The following PPP4R1 variants were observed in gnomAD, a reference collection of about 807,000 sequenced individuals.
PPP4R1 encodes serine/threonine-protein phosphatase 4 regulatory subunit 1.
PPP4R1 carries 42 observed loss-of-function variants against 111.2 expected under a neutral mutation model. That is an observed-to-expected ratio of 0.38 (90% confidence interval 0.29 to 0.49). PPP4R1 has a LOEUF of 0.49. Ranked by LOEUF, PPP4R1 falls within the 20% of genes least tolerant of loss-of-function variation. The pLI is 0.97. For synonymous variants in PPP4R1, 409 were observed against 405.5 expected, an observed-to-expected ratio of 1.01 and a Z score of -0.10; for missense variants, 1,012 against 1,161.6, an observed-to-expected ratio of 0.87 and a Z score of 1.87.
rs934698003 is a variant in PPP4R1 at position 9,570,508 on chromosome 18, A to G, written c.1222T>C (p.Cys408Arg). 1 of 1,614,220 alleles carries G rather than the reference A, an allele frequency of 6.2e-7. No individual in the cohort carries two copies. The change falls in exon 11 of 20, where the codon TGT (cysteine) becomes CGT (arginine). Residue 408 changes from cysteine (C) to arginine (R), a missense_variant. Transcript: ENST00000400556. ...ISVPLDSSLL[C>R]TLSSESHQEA... ...TGGTGAGATTCTGAGGACAAAGTAC[A>G]AAGTAAAGAGCTGTCCAGTGGAACA...
chr18:9,584,639 A>T (rs748668286), intron 7 of PPP4R1, 59 bp from the exon 8 acceptor site: 26 of 1,601,914 alleles, frequency 1.6e-5, no homozygotes, highest in Non-Finnish European at 2.1e-5. Flanking sequence ...CTTCTAAGAT[A>T]ATCTTTTAAA....
rs1353464116 is a variant in PPP4R1, at chr18:9,595,080, A to T, written c.126T>A (p.Asp42Glu). 1.9e-6 allele frequency: 3 copies of T among 1,613,868 alleles called. No individual in the cohort carries two copies. ...IPSALDFVSQDEMLTPLGRLD... is the reference protein window; with the variant it reads ...IPSALDFVSQEEMLTPLGRLD... ...ATCTCCCCAGGGGCGTCAACATTTC[A>T]TCTTGTGAGACAAAGTCCAGGGCTG... The change falls in exon 3 of 20, where the codon GAT becomes GAA. Residue 42 changes from aspartate to glutamate, a missense_variant. This residue lies in a region of PPP4R1 where 707 missense variants were observed against 742.1 expected (regional missense o/e 0.95). Transcript: ENST00000400556.
At chr18:9,585,993 C>T (rs193107294) in intron 6 of PPP4R1, among the ~76,000 whole-genome samples, 47 of 152,216 alleles carry the variant, frequency 3.1e-4, no homozygotes, top group South Asian at 1.5e-3. Flanking sequence ...CTAGAGATAA[C>T]GCCTACATCT....
chr18:9,595,053 C>G lies in PPP4R1; in HGVS notation c.153G>C (p.Leu51Phe). 2.5e-6 allele frequency: 4 copies of G among 1,613,982 alleles called. No homozygotes were observed. Among genetic ancestry groups the G allele is most frequent in the Non-Finnish European group, 3.4e-6 (4 of 1,179,970 alleles). The change falls in exon 3 of 20, where the codon TTG (leucine) becomes TTC (phenylalanine). Residue 51 changes from leucine to phenylalanine, a missense_variant. Coordinates refer to ENST00000400556, the MANE Select transcript of PPP4R1 (RefSeq NM_001042388.3). ...TGTTCTCACTTGCAGCATACTTGTC[C>G]AATCTCCCCAGGGGCGTCAACATTT... is the stretch of plus-strand genomic sequence containing the variant. ...QDEMLTPLGR[L>F]DKYAASENIF...
At chr18:9,553,989 C>T (rs1219022217) in intron 15 of PPP4R1, among the ~76,000 whole-genome samples, 1 of 152,226 alleles carries the variant, frequency 6.6e-6, no homozygotes, top group Non-Finnish European at 1.5e-5. Flanking sequence ...TTTGACCATA[C>T]ATCTTCAAGG....
In PPP4R1 at chr18:9,588,763, G is replaced by A. The variant is rs765217530; in HGVS notation, c.386C>T (p.Ser129Leu). ...AACCACAATAGGTAGTAAGAATTTTGAAAAAGCATATGGTATTGAAGGCCG... is the reference window on the plus strand; with the variant it reads ...AACCACAATAGGTAGTAAGAATTTTAAAAAAGCATATGGTATTGAAGGCCG... ...ENRPSIPYAF[S>L]KFLLPIVVRY... Residue 129 changes from serine to leucine, a missense_variant, in exon 5 of 20, where the codon TCA (serine) becomes TTA (leucine). Ser to Leu is a moderately radical substitution (Grantham distance 145). Around this residue, in one of 2 missense-constraint regions of PPP4R1, gnomAD observed 707 missense variants for 742.1 expected, o/e 0.95. Coordinates refer to ENST00000400556, the MANE Select transcript of PPP4R1 (RefSeq NM_001042388.3). The A allele has an allele frequency of 5.0e-6, 8 of 1,613,636 alleles. No homozygotes were observed. The Admixed American group carries it at 8.3e-5, about 17-fold the overall frequency.
chr18:9,586,702 A>G (rs1360219407), intron 6 of PPP4R1, among the ~76,000 whole-genome samples: 2 of 152,206 alleles, frequency 1.3e-5, no homozygotes, highest in African/African-American at 2.4e-5. Context: ...AAAAATATCA[A>G]CAAAGACGCA....
rs528003331 is a variant in PPP4R1 at position 9,555,872 on chromosome 18, C to T, written c.2190+1349G>A. ...AAATTTTAGGCCAGGCATGGTGGCTCACGCCTGTAATCCCAGCACTTTGGG... is the reference window on the plus strand; with the variant it reads ...AAATTTTAGGCCAGGCATGGTGGCTTACGCCTGTAATCCCAGCACTTTGGG... On this transcript the variant is annotated intron_variant, in intron 15 of 19. Transcript: ENST00000400556. Among the ~76,000 whole-genome samples the T allele has an allele frequency of 1.6e-3, 242 of 152,168 alleles. 2 individuals are homozygous for T. Among genetic ancestry groups the T allele is most frequent in the Admixed American group, 4.8e-3 (73 of 15,296 alleles).
intron 2 of PPP4R1, among the ~76,000 whole-genome samples, chr18:9,608,944 C>G (rs767166794): frequency 1.3e-5 from 2 of 152,100 alleles, no homozygotes; most frequent in African/African-American, 2.4e-5. Flanking sequence ...CAGGAACAAA[C>G]AAAAAGTATG....
At chr18:9,564,272 C>A (rs766038903) in intron 11 of PPP4R1, among the ~76,000 whole-genome samples, 21 of 152,162 alleles carry the variant, frequency 1.4e-4, no homozygotes, top group Non-Finnish European at 2.8e-4. Context: ...AAAAATATTG[C>A]TTAGCATTTA....
chr18:9,609,549 A>AT (rs749712797), intron 2 of PPP4R1, among the ~76,000 whole-genome samples: 118 of 152,378 alleles, frequency 7.7e-4, no homozygotes, highest in Non-Finnish European at 1.6e-3. Flanking sequence ...AGCATAATGT[A>AT]AAAGGATTCC....
chr18:9,574,870 G>A (rs1404747448), intron 10 of PPP4R1, among the ~76,000 whole-genome samples: 4 of 152,150 alleles, frequency 2.6e-5, no homozygotes, highest in Non-Finnish European at 5.9e-5. Flanking sequence ...ACAAAAACAG[G>A]GAGAATTAAG....
rs758344611 is a variant in PPP4R1 at position 9,577,028 on chromosome 18, A to G, written c.1046+36T>C. 4.1e-6 allele frequency: 6 copies of G among 1,456,080 alleles called. No homozygotes were observed. The East Asian group carries it at 1.4e-4, about 34-fold the overall frequency. The allele number at this position is 1,456,080 out of a possible 1,614,324, so 90.2% of individuals were successfully genotyped here. ...TTAAAAGCAGTAAAATTAGAAAACA[A>G]GGTTTTAAAATTAGAAAATGGTTTC... On this transcript the variant is annotated intron_variant, in intron 10 of 19. Coordinates refer to ENST00000400556, the MANE Select transcript of PPP4R1 (RefSeq NM_001042388.3).
intron 13 of PPP4R1, among the ~76,000 whole-genome samples, chr18:9,561,231 T>C (rs1255970133): frequency 7.3e-6 from 1 of 136,764 alleles, no homozygotes; most frequent in Non-Finnish European, 1.5e-5. Flanking sequence ...ATAATAATAA[T>C]AATAATAATA....
Position 9,614,538 on chromosome 18 carries a change from C to T in PPP4R1, c.-54G>A. 1.0e-6 allele frequency: 1 copy of T among 1,000,624 alleles called. No homozygotes were observed. The highest frequency in any genetic ancestry group is 1.2e-6 in the Non-Finnish European group (1 of 840,898). 62.0% of individuals were successfully genotyped at this position (1,000,624 alleles called of 1,614,324 possible). ...CCCGGGGAGCCGGGGCTACATGGAG[C>T]GGCGCGAGCCGGGGAGCCGGTGGAC... is the stretch of plus-strand genomic sequence containing the variant. On this transcript the variant is annotated 5_prime_UTR_variant, in exon 1 of 20. Transcript: ENST00000400556. The surrounding 1 kb of genome is among the most constrained non-coding windows in gnomAD (Gnocchi z 4.1).
At chr18:9,609,311 C>T (rs1237687494) in intron 2 of PPP4R1, among the ~76,000 whole-genome samples, 1 of 152,154 alleles carries the variant, frequency 6.6e-6, no homozygotes, top group Non-Finnish European at 1.5e-5. Flanking sequence ...TTCAAGGGCA[C>T]CTTCCAAAGG....
In PPP4R1 at chr18:9,558,043, A is replaced by G. The variant is rs1160348500; in HGVS notation, c.2029-661T>C. On this transcript the variant is annotated intron_variant, in intron 14 of 19. Coordinates refer to ENST00000400556, the MANE Select transcript of PPP4R1 (RefSeq NM_001042388.3). ...ATACAGCCTTGGAAAAGAAACCCTC[A>G]ACAGAAATGTGTTGCATTTATAATA... is the stretch of plus-strand genomic sequence containing the variant. 2.6e-5 allele frequency among the ~76,000 whole-genome samples: 4 copies of G among 152,244 alleles called. No individual in the cohort carries two copies. In the East Asian group the frequency reaches 7.7e-4, roughly 29 times the overall value.
At chr18:9,590,689 TA>T (rs141749473) in intron 4 of PPP4R1, among the ~76,000 whole-genome samples, 30 of 145,916 alleles carry the variant, frequency 2.1e-4, no homozygotes, top group African/African-American at 2.3e-4. Flanking sequence ...CTACTCACAT[TA>T]AAAAAAAAAA....
chr18:9,588,864 AAC>A lies in PPP4R1; in HGVS notation c.296-13_296-12del. ...CTCTCACAGTTGGTTCTATTGAAATAACGGCAATGTGAGCAAACATGTTCTCC... is the reference window on the plus strand; with the variant it reads ...CTCTCACAGTTGGTTCTATTGAAATAGGCAATGTGAGCAAACATGTTCTCC... On this transcript the variant is annotated splice_polypyrimidine_tract_variant and intron_variant, in intron 4 of 19. Transcript: ENST00000400556. 1 of 1,610,852 alleles carries A rather than the reference AAC, an allele frequency of 6.2e-7. No individual in the cohort carries two copies. The highest frequency in any genetic ancestry group is 8.5e-7 in the Non-Finnish European group (1 of 1,178,928).
Sources: gnomAD v4.1 joint callset for allele counts (sites outside exome capture counted in the v4.1 genomes callset) on GRCh38, gnomAD v4.1.1 for gene constraint, gnomAD v4.1.1 regional missense constraint, Gnocchi (gnomAD v3.1) non-coding constraint, MANE v1.5 for transcripts, NCBI Gene and HGNC (gene_info 2026-07-23, HGNC 2026-07-21) for gene names.